The following PTPRR variants were observed in gnomAD, a reference collection of about 807,000 sequenced individuals.
PTPRR encodes protein tyrosine phosphatase receptor type R.
A neutral mutation model predicts 77.2 loss-of-function variants in PTPRR; 38 were observed. The ratio of observed to expected loss-of-function variants is 0.49; its 90% CI spans 0.38 to 0.65. PTPRR has a LOEUF of 0.65. Among genes scored for constraint, PTPRR ranks in the 30% least tolerant of loss-of-function variants. PTPRR has a pLI of 0.00. For synonymous variants in PTPRR, 299 were observed against 283.1 expected (o/e 1.06, Z -0.57); for missense variants, 744 against 799.2 (o/e 0.93, Z 0.83).
intron 1 of PTPRR, among the ~76,000 whole-genome samples, chr12:70,896,576 G>T (rs928161597): frequency 1.3e-5 from 2 of 151,572 alleles, no homozygotes; most frequent in Non-Finnish European, 3.0e-5. Context: ...AAGAAAAGAA[G>T]AATATTTCCA....
chr12:70,668,163 A>G (rs977093988), intron 10 of PTPRR, among the ~76,000 whole-genome samples: 32 of 152,230 alleles, frequency 2.1e-4, no homozygotes, highest in African/African-American at 7.7e-4. Context: ...CTTTCCCACC[A>G]TAAGTGGATT....
intron 2 of PTPRR, among the ~76,000 whole-genome samples, chr12:70,771,715 T>C (rs894534351): frequency 6.6e-6 from 1 of 152,196 alleles, no homozygotes; most frequent in South Asian, 2.1e-4. Flanking sequence ...TGTGGCCAAG[T>C]GTATTTCAGT....
chr12:70,892,916 C>T lies in PTPRR; in HGVS notation c.120G>A (p.Pro40=), dbSNP rs367712274. ...CTTGTGAATGCTTATAAATGAATAC[C>T]GGCTTCCCACTCTTCTTCTGATTAA... ...LAINQKKSGK[P]VFIYKHSQDI... Residue 40 remains proline, a synonymous_variant, in exon 2 of 14, where the codon CCG becomes CCA. Coordinates refer to ENST00000283228, the MANE Select transcript of PTPRR (RefSeq NM_002849.4). 2.7e-5 allele frequency: 43 copies of T among 1,613,250 alleles called. No homozygotes were observed. Among genetic ancestry groups the T allele is most frequent in the South Asian group, 3.3e-5 (3 of 91,070 alleles).
chr12:70,803,650 A>C (rs1891656981), intron 2 of PTPRR, among the ~76,000 whole-genome samples: 2 of 152,174 alleles, frequency 1.3e-5, no homozygotes, highest in African/African-American at 4.8e-5. Context: ...GAGAAACAGA[A>C]GGAAGTCATG....
chr12:70,764,256 G>A (rs1890760223), intron 3 of PTPRR, among the ~76,000 whole-genome samples: 1 of 151,998 alleles, frequency 6.6e-6, no homozygotes, highest in African/African-American at 2.4e-5. Flanking sequence ...AATAATGTCT[G>A]GAAACTGCCT....
intron 2 of PTPRR, among the ~76,000 whole-genome samples, chr12:70,806,601 T>C (rs1241895922): frequency 5.3e-5 from 8 of 152,124 alleles, no homozygotes; most frequent in Admixed American, 5.2e-4. Flanking sequence ...GCACATAACT[T>C]CCTTATAAAA....
At chr12:70,820,992 TC>T (rs1365874422) in intron 2 of PTPRR, among the ~76,000 whole-genome samples, 1 of 152,150 alleles carries the variant, frequency 6.6e-6, no homozygotes. Context: ...AATGCAGTAG[TC>T]CTGAATAAAG....
chr12:70,838,501 T>C (rs1206459097), intron 2 of PTPRR, among the ~76,000 whole-genome samples: 3 of 152,196 alleles, frequency 2.0e-5, no homozygotes, highest in Non-Finnish European at 2.9e-5. Flanking sequence ...TCACAGGTCA[T>C]TGATTGAGAC....
chr12:70,904,326 G>A (rs1309303975), intron 1 of PTPRR, among the ~76,000 whole-genome samples: 1 of 151,752 alleles, frequency 6.6e-6, no homozygotes, highest in East Asian at 1.9e-4. Flanking sequence ...CCTTCAATGG[G>A]TGGATAGATA....
chr12:70,737,487 TATC>T (rs200999271), intron 6 of PTPRR, among the ~76,000 whole-genome samples: 872 of 22,038 alleles, frequency 0.04, 10 homozygotes, highest in African/African-American at 0.15. Context: ...ATTTAATGAA[TATC>T]TATCTATCTA....
chr12:70,806,618 G>T (rs1592767613), intron 2 of PTPRR, among the ~76,000 whole-genome samples: 1 of 152,098 alleles, frequency 6.6e-6, no homozygotes, highest in Non-Finnish European at 1.5e-5. Context: ...AAAAACACTT[G>T]TACATTCTCT....
chr12:70,814,418 C>G (rs368660274), intron 2 of PTPRR, among the ~76,000 whole-genome samples: 1 of 152,174 alleles, frequency 6.6e-6, no homozygotes, highest in Non-Finnish European at 1.5e-5. Context: ...TCCCAGAGAG[C>G]CTGGCTGTCT....
At chr12:70,884,765 C>CGGA (rs142273692) in intron 2 of PTPRR, among the ~76,000 whole-genome samples, 17,987 of 148,358 alleles carry the variant, frequency 0.12, 2,007 homozygotes, top group African/African-American at 0.3. Context: ...CCAGCTACTC[C>CGGA]GGAGGCTGAG....
chr12:70,874,743 G>A (rs1472469058), intron 2 of PTPRR, among the ~76,000 whole-genome samples: 2 of 152,012 alleles, frequency 1.3e-5, no homozygotes, highest in African/African-American at 4.8e-5. Flanking sequence ...CCAACATGGT[G>A]AAACCCTGTC....
chr12:70,694,289 A>C (rs1888154162), intron 8 of PTPRR, among the ~76,000 whole-genome samples: 1 of 152,214 alleles, frequency 6.6e-6, no homozygotes, highest in African/African-American at 2.4e-5. Context: ...GCATTCTTTA[A>C]GTGTATCTAT....
At chr12:70,824,366 A>C (rs1378337949) in intron 2 of PTPRR, among the ~76,000 whole-genome samples, 1 of 152,234 alleles carries the variant, frequency 6.6e-6, no homozygotes. Flanking sequence ...GGAATACATA[A>C]TTTTGAGCAG....
intron 2 of PTPRR, among the ~76,000 whole-genome samples, chr12:70,848,427 A>T (rs1321543558): frequency 6.6e-6 from 1 of 152,118 alleles, no homozygotes. Flanking sequence ...TCCTGTGTTC[A>T]AGAGATTCTC....
chr12:70,749,645 T>C (rs1411291032), intron 5 of PTPRR, among the ~76,000 whole-genome samples: 1 of 152,200 alleles, frequency 6.6e-6, no homozygotes, highest in Non-Finnish European at 1.5e-5. Context: ...CATGTATTTA[T>C]TACATGATGT....
chr12:70,830,965 T>A (rs1892201677), intron 2 of PTPRR, among the ~76,000 whole-genome samples: 1 of 152,230 alleles, frequency 6.6e-6, no homozygotes, highest in African/African-American at 2.4e-5. Flanking sequence ...ACATATACAG[T>A]GTTGATAATA....
Sources: allele counts gnomAD v4.1 joint callset (sites outside exome capture counted in the v4.1 genomes callset), GRCh38; gene constraint gnomAD v4.1.1; transcripts MANE v1.5; gene names NCBI Gene and HGNC (gene_info 2026-07-23, HGNC 2026-07-21).